The following SH3GL1 variants were observed in gnomAD, a reference collection of about 807,000 sequenced individuals.
SH3GL1 encodes the protein endophilin-A2.
A neutral mutation model predicts 48.8 loss-of-function variants in SH3GL1; 21 were observed. The ratio of observed to expected loss-of-function variants is 0.43; its 90% CI spans 0.30 to 0.62. The LOEUF is 0.62. Among genes scored for constraint, SH3GL1 ranks in the 20% least tolerant of loss-of-function variants. SH3GL1 has a pLI of 0.11. For synonymous variants in SH3GL1, 282 were observed against 217.5 expected (o/e 1.30, Z -2.61); for missense variants, 454 against 503.0 (o/e 0.90, Z 0.93).
At chr19:4,373,493 T>C (rs1745077393) in intron 1 of SH3GL1, among the ~76,000 whole-genome samples, 1 of 151,912 alleles carries the variant, frequency 6.6e-6, no homozygotes, top group African/African-American at 2.4e-5. Context: ...CAAGACAAAG[T>C]TTCTGAAATT....
In SH3GL1 at chr19:4,362,620, T is replaced by C. The variant is rs754369352; in HGVS notation, c.845A>G (p.Lys282Arg). ...NGGFPCTTAPKIAASSSFRSS... is the reference protein window; with the variant it reads ...NGGFPCTTAPRIAASSSFRSS... The stretch of plus-strand genomic sequence containing the variant: ...GCTCCATGCCCCATTACCTGCGATC[T>C]TGGGGGCTGTGGTGCAGGGGAAGCC... Residue 282 changes from lysine to arginine, a missense_variant, in exon 8 of 10, where the codon AAG becomes AGG. This residue lies in a region of SH3GL1 where 278 missense variants were observed against 246.8 expected (regional missense o/e 1.13). Coordinates refer to ENST00000269886, the MANE Select transcript of SH3GL1 (RefSeq NM_003025.4). 14 of 1,613,720 alleles carry C rather than the reference T, an allele frequency of 8.7e-6. No homozygotes were observed. The South Asian group carries it at 1.3e-4, about 15-fold the overall frequency.
intron 1 of SH3GL1, among the ~76,000 whole-genome samples, chr19:4,372,711 T>C (rs571320850): frequency 5.9e-5 from 9 of 152,352 alleles, no homozygotes; most frequent in African/African-American, 1.9e-4. Flanking sequence ...TCACAGCTTC[T>C]TTCCCATGAG....
intron 1 of SH3GL1, among the ~76,000 whole-genome samples, chr19:4,374,897 T>A (rs1194404115): frequency 6.6e-6 from 1 of 152,040 alleles, no homozygotes; most frequent in African/African-American, 2.4e-5. Context: ...TGCTGCCCAA[T>A]GGTGGGGGCT....
chr19:4,379,502 T>C (rs938265820), intron 1 of SH3GL1, among the ~76,000 whole-genome samples: 7 of 150,772 alleles, frequency 4.6e-5, no homozygotes, highest in African/African-American at 1.5e-4. Flanking sequence ...TGGTAGAAAA[T>C]TCCCCACATC....
At chr19:4,369,354 G>A (rs1393442844) in intron 1 of SH3GL1, among the ~76,000 whole-genome samples, 2 of 152,248 alleles carry the variant, frequency 1.3e-5, no homozygotes, top group Non-Finnish European at 2.9e-5. Context: ...GCTGATGTGA[G>A]ACTGGACTCT....
At chr19:4,393,514 G>A (rs756242594) in intron 1 of SH3GL1, among the ~76,000 whole-genome samples, 2 of 151,768 alleles carry the variant, frequency 1.3e-5, no homozygotes, top group East Asian at 1.9e-4. Context: ...AAAAATAGGC[G>A]AGGCACAGTG....
At position 4,376,491 on chromosome 19, in the gene SH3GL1, C is replaced by CA. The variant is rs1309725807; in HGVS notation, c.46-9498dup. Among the ~76,000 whole-genome samples, 5 of 152,044 alleles carry CA rather than the reference C, an allele frequency of 3.3e-5. No homozygotes were observed. Among genetic ancestry groups the CA allele is most frequent in the Non-Finnish European group, 7.4e-5 (5 of 67,980 alleles). ...TCCTATCCGCCCAGACCTCAGACCT[C>CA]AGAGAAGCCTCCTCCCACAGGAAGC... On this transcript the variant is annotated intron_variant, in intron 1 of 9. Coordinates refer to ENST00000269886, the MANE Select transcript of SH3GL1 (RefSeq NM_003025.4). This position sits in a 1 kb window ranked among gnomAD's most constrained non-coding sequence, Gnocchi z 4.3.
At chr19:4,362,783 G>A (rs1972659814) in intron 7 of SH3GL1, 47 bp from the exon 8 acceptor site, 16 of 1,611,522 alleles carry the variant, frequency 9.9e-6, no homozygotes, top group Non-Finnish European at 1.2e-5. Context: ...TCACGGCCGA[G>A]GCAGCCCCAC....
At chr19:4,372,793 G>A (rs1475323306) in intron 1 of SH3GL1, among the ~76,000 whole-genome samples, 2 of 152,202 alleles carry the variant, frequency 1.3e-5, no homozygotes, top group Non-Finnish European at 2.9e-5. Flanking sequence ...ACTGGCCTTC[G>A]TGTCCCCTTT....
Position 4,360,948 on chromosome 19 carries a change from C to T in SH3GL1, c.*652G>A, listed in dbSNP as rs146583083. 1.3e-5 allele frequency: 3 copies of T among 233,522 alleles called. No homozygotes were observed. The East Asian group carries it at 1.8e-4, about 14-fold the overall frequency. The allele number at this position is 233,522 out of a possible 1,614,324, so 14.5% of individuals were successfully genotyped here. On this transcript the variant is annotated 3_prime_UTR_variant, in exon 10 of 10. Coordinates refer to ENST00000269886, the MANE Select transcript of SH3GL1 (RefSeq NM_003025.4). ...GCAGGGCCCTGCAGGAGACCATGTT[C>T]TCTGTCCTCAGGCAGATCCCAGCTG... is the stretch of plus-strand genomic sequence containing the variant.
In SH3GL1 at chr19:4,362,313, G is replaced by T; in HGVS notation, c.910+16C>A. 6.2e-7 allele frequency: 1 copy of T among 1,609,314 alleles called. No homozygotes were observed. The highest frequency in any genetic ancestry group is 1.1e-5 in the South Asian group (1 of 90,312). ...GAAGGCAGCACTGAGGTCGAGGCGG[G>T]CCTGGGAACACTCACGCATGCTCCG... is the stretch of plus-strand genomic sequence containing the variant. On this transcript the variant is annotated intron_variant, in intron 9 of 9. Coordinates refer to ENST00000269886, the MANE Select transcript of SH3GL1 (RefSeq NM_003025.4).
At chr19:4,370,402 G>A (rs975875246) in intron 1 of SH3GL1, among the ~76,000 whole-genome samples, 2 of 152,212 alleles carry the variant, frequency 1.3e-5, no homozygotes, top group African/African-American at 4.8e-5. Flanking sequence ...CCGCATGGCA[G>A]GAAACGGAGG....
chr19:4,384,758 G>A (rs569023062), intron 1 of SH3GL1, among the ~76,000 whole-genome samples: 3 of 152,226 alleles, frequency 2.0e-5, no homozygotes, highest in South Asian at 2.1e-4. Flanking sequence ...CTGCGGATGC[G>A]AGTGGAGCCT....
In SH3GL1 at chr19:4,361,569, G is replaced by C; in HGVS notation, c.*31C>G. 6.5e-7 allele frequency: 1 copy of C among 1,539,986 alleles called. No individual in the cohort carries two copies. The highest frequency in any genetic ancestry group is 1.2e-5 in the South Asian group (1 of 86,864). ...CCAGCAGGGGGTGCCGGCCAGTGTG[G>C]ACGGAGGGGCGGGGCGGGGACACGG... On this transcript the variant is annotated 3_prime_UTR_variant, in exon 10 of 10. Coordinates refer to ENST00000269886, the MANE Select transcript of SH3GL1 (RefSeq NM_003025.4).
At position 4,399,834 on chromosome 19, in the gene SH3GL1, G is replaced by A. The variant is rs559555585; in HGVS notation, c.45+490C>T. Among the ~76,000 whole-genome samples the A allele has an allele frequency of 2.6e-5, 4 of 152,368 alleles. No individual in the cohort carries two copies. The East Asian group carries it at 7.7e-4, about 29-fold the overall frequency. On this transcript the variant is annotated intron_variant, in intron 1 of 9. Transcript: ENST00000269886. ...GTCGATGACAGTCGCTTGTCTCTGGGGAGAAGGGCTGGCTGCCCGAGGAGC... is the reference window on the plus strand; with the variant it reads ...GTCGATGACAGTCGCTTGTCTCTGGAGAGAAGGGCTGGCTGCCCGAGGAGC...
At chr19:4,382,674 T>C (rs893443505) in intron 1 of SH3GL1, among the ~76,000 whole-genome samples, 6 of 152,128 alleles carry the variant, frequency 3.9e-5, no homozygotes, top group Non-Finnish European at 8.8e-5. Context: ...CCATTTTCCA[T>C]GTAAGGGAAC....
intron 1 of SH3GL1, among the ~76,000 whole-genome samples, chr19:4,381,844 C>T (rs140739472): frequency 3.3e-5 from 5 of 150,758 alleles, no homozygotes; most frequent in South Asian, 2.1e-4. Flanking sequence ...AGGCACCCGC[C>T]GCCACGCCCC....
chr19:4,362,834 T>C (rs771852723), intron 7 of SH3GL1, 98 bp from the exon 8 acceptor site: 3 of 1,586,754 alleles, frequency 1.9e-6, no homozygotes, highest in Non-Finnish European at 2.6e-6. Flanking sequence ...GGCCTGGGAC[T>C]GCAGGAAGAG....
intron 2 of SH3GL1, 84 bp from the exon 3 acceptor site, chr19:4,366,657 C>T (rs1451475068): frequency 1.5e-6 from 2 of 1,292,564 alleles, no homozygotes; most frequent in Non-Finnish European, 1.1e-6. Flanking sequence ...CCGCCTCCTG[C>T]CCTAAGAGCC....
Sources: gnomAD v4.1 joint callset for allele counts (sites outside exome capture counted in the v4.1 genomes callset) on GRCh38, gnomAD v4.1.1 for gene constraint, gnomAD v4.1.1 regional missense constraint, Gnocchi (gnomAD v3.1) non-coding constraint, MANE v1.5 for transcripts, NCBI Gene and HGNC (gene_info 2026-07-23, HGNC 2026-07-21) for gene names.